PTPRM: variants seen among roughly 807,000 people sequenced by gnomAD.
PTPRM encodes protein tyrosine phosphatase receptor type M.
A neutral mutation model predicts 186.7 loss-of-function variants in PTPRM; 47 were observed. That is an observed-to-expected ratio of 0.25 (90% CI 0.20 to 0.32). The LOEUF (loss-of-function observed/expected upper bound fraction) is 0.32, where lower values mean the gene tolerates loss of function less well. Ranked by LOEUF, PTPRM falls within the 10% of genes least tolerant of loss-of-function variation. PTPRM has a pLI of 1.00. For missense variants in PTPRM, 1,494 were observed against 1,865.0 expected (o/e 0.80, Z 3.66); for synonymous variants, 668 against 674.9 (o/e 0.99, Z 0.16).
intron 14 of PTPRM, among the ~76,000 whole-genome samples, chr18:8,228,400 T>G (rs1431486080): frequency 6.6e-6 from 1 of 152,192 alleles, no homozygotes; most frequent in Non-Finnish European, 1.5e-5. Flanking sequence ...GATGATTAAG[T>G]GCATTTCAAG....
At chr18:7,888,415 C>CTCTAATT in intron 3 of PTPRM, 38 bp downstream of exon 3, 1 of 1,521,086 alleles carries the variant, frequency 6.6e-7, no homozygotes, top group Non-Finnish European at 8.8e-7. Flanking sequence ...TTGAAGCATC[C>CTCTAATT]TCTAATTTCT....
At chr18:7,913,753 A>G (rs2050403690) in intron 4 of PTPRM, among the ~76,000 whole-genome samples, 1 of 152,240 alleles carries the variant, frequency 6.6e-6, no homozygotes, top group South Asian at 2.1e-4. Context: ...GATGCCTTCA[A>G]TTCTGAAATC....
chr18:8,386,199 G>C (rs2095771869), intron 30 of PTPRM, among the ~76,000 whole-genome samples: 1 of 152,100 alleles, frequency 6.6e-6, no homozygotes, highest in African/African-American at 2.4e-5. Flanking sequence ...AAAATATAAG[G>C]GTGAAATTCA....
intron 1 of PTPRM, among the ~76,000 whole-genome samples, chr18:7,580,408 A>G (rs559655006): frequency 6.6e-6 from 1 of 152,338 alleles, no homozygotes; most frequent in South Asian, 2.1e-4. Flanking sequence ...CTGCTAAGCT[A>G]TGCACTTAGC....
chr18:8,229,904 T>G (rs1419558560), intron 14 of PTPRM, among the ~76,000 whole-genome samples: 1 of 152,226 alleles, frequency 6.6e-6, no homozygotes, highest in East Asian at 1.9e-4. Flanking sequence ...ACCTCTTTGC[T>G]TCTTTTGCTC....
chr18:7,774,326 T>C, intron 2 of PTPRM, 55 bp downstream of exon 2: 2 of 1,584,520 alleles, frequency 1.3e-6, no homozygotes, highest in Non-Finnish European at 1.7e-6. Context: ...GTCTCAATCA[T>C]ACTATGTGTT....
intron 2 of PTPRM, among the ~76,000 whole-genome samples, chr18:7,847,299 C>T (rs529580055): frequency 2.6e-5 from 4 of 151,560 alleles, no homozygotes; most frequent in South Asian, 2.1e-4. Context: ...CCTGCGTAGC[C>T]GTGACTACAG....
At chr18:8,332,557 A>G (rs932332626) in intron 22 of PTPRM, among the ~76,000 whole-genome samples, 1 of 152,192 alleles carries the variant, frequency 6.6e-6, no homozygotes, top group African/African-American at 2.4e-5. Context: ...AATGAGTGAA[A>G]TGTAAGCATC....
chr18:8,403,758 C>T (rs2148654597), intron 32 of PTPRM: 1 of 152,330 alleles, frequency 6.6e-6, no homozygotes, highest in South Asian at 2.1e-4. Flanking sequence ...GGCAACCACC[C>T]TTCAGCTTCC....
intron 14 of PTPRM, among the ~76,000 whole-genome samples, chr18:8,204,047 T>C (rs2093893894): frequency 1.3e-5 from 2 of 152,162 alleles, no homozygotes; most frequent in African/African-American, 4.8e-5. Context: ...GATGGTTTTC[T>C]CTGAGACTTC....
At chr18:7,620,171 A>C (rs975061521) in intron 1 of PTPRM, among the ~76,000 whole-genome samples, 7 of 152,192 alleles carry the variant, frequency 4.6e-5, no homozygotes, top group Non-Finnish European at 8.8e-5. Flanking sequence ...TGTGGTGGAC[A>C]GGAGTTAGGG....
chr18:8,273,164 A>G (rs1224118240), intron 19 of PTPRM, among the ~76,000 whole-genome samples: 1 of 152,142 alleles, frequency 6.6e-6, no homozygotes, highest in Non-Finnish European at 1.5e-5. Flanking sequence ...CCATGTTACC[A>G]CTTAGTACAT....
intron 14 of PTPRM, among the ~76,000 whole-genome samples, chr18:8,238,489 A>T (rs1199748420): frequency 6.6e-6 from 1 of 151,672 alleles, no homozygotes; most frequent in Non-Finnish European, 1.5e-5. Context: ...TGCTTACATT[A>T]CCTATCTGTT....
intron 2 of PTPRM, among the ~76,000 whole-genome samples, chr18:7,854,104 A>G (rs983128791): frequency 1.3e-5 from 2 of 152,174 alleles, no homozygotes; most frequent in Non-Finnish European, 2.9e-5. Context: ...ATTAGTTTTT[A>G]TGTACCATAA....
intron 20 of PTPRM, among the ~76,000 whole-genome samples, chr18:8,305,292 G>C (rs991886935): frequency 3.9e-5 from 6 of 152,196 alleles, no homozygotes; most frequent in Admixed American, 3.9e-4. Context: ...GGATTCACTA[G>C]TGAGGGAAGC....
intron 1 of PTPRM, among the ~76,000 whole-genome samples, chr18:7,604,288 G>T (rs1486918670): frequency 1.3e-5 from 2 of 152,208 alleles, no homozygotes; most frequent in Non-Finnish European, 2.9e-5. Flanking sequence ...AGACACAGCG[G>T]CTGCCTGGCC....
chr18:8,340,596 A>G (rs1242017525), intron 22 of PTPRM, among the ~76,000 whole-genome samples: 1 of 152,212 alleles, frequency 6.6e-6, no homozygotes, highest in Non-Finnish European at 1.5e-5. Context: ...CCTAGATGAC[A>G]TGTTATGAAT....
intron 1 of PTPRM, among the ~76,000 whole-genome samples, chr18:7,700,640 T>C (rs2039939743): frequency 6.6e-6 from 1 of 152,258 alleles, no homozygotes; most frequent in African/African-American, 2.4e-5. Context: ...AAAATTATTC[T>C]TAAGAATGCC....
At position 7,884,924 on chromosome 18, in the gene PTPRM, C is replaced by CAAAAAAAAAAAAAAAAAAA. The variant is rs56724615; in HGVS notation, c.197-3173_197-3155dup. On this transcript the variant is annotated intron_variant, in intron 2 of 32. Transcript: ENST00000580170. ...GGGCGACGAGAGCAAAGCTCCATCT[C>CAAAAAAAAAAAAAAAAAAA]AAAAAAAAAAAAAAAAAAAAAAAAA... 1.3e-4 allele frequency among the ~76,000 whole-genome samples: 5 copies of CAAAAAAAAAAAAAAAAAAA among 37,844 alleles called. 1 individual carries two copies. Among genetic ancestry groups the CAAAAAAAAAAAAAAAAAAA allele is most frequent in the African/African-American group, 4.3e-4 (5 of 11,508 alleles). 24.8% of individuals were successfully genotyped at this position (37,844 alleles called of 152,430 possible). A position where few individuals can be genotyped will look rare whatever the true frequency, so the allele number is the denominator to read the frequency against.
Sources: allele counts gnomAD v4.1 joint callset (sites outside exome capture counted in the v4.1 genomes callset), GRCh38; gene constraint gnomAD v4.1.1; transcripts MANE v1.5; gene names NCBI Gene and HGNC (gene_info 2026-07-23, HGNC 2026-07-21).